The following MDN1 variants were observed in gnomAD, a reference collection of about 807,000 sequenced individuals.
The protein encoded by MDN1 is midasin AAA ATPase 1, also known as midasin.
Under a neutral mutation model 669.2 loss-of-function variants are expected in MDN1, and 266 were observed. The observed-to-expected ratio is 0.40, with a 90% CI of 0.36 to 0.44. MDN1 has a LOEUF of 0.44. Ranked by LOEUF, MDN1 falls within the 20% of genes least tolerant of loss-of-function variation. The probability of loss-of-function intolerance (pLI) is 1.00; values close to 1 mark genes in which losing one functional copy is unlikely to be tolerated. For synonymous variants in MDN1, 2,385 were observed against 2,457.1 expected (o/e 0.97, Z 0.87); for missense variants, 5,940 against 6,754.0 (o/e 0.88, Z 4.22).
chr6:89,762,930 C>T (rs1008067408), intron 15 of MDN1, among the ~76,000 whole-genome samples: 3 of 152,068 alleles, frequency 2.0e-5, no homozygotes. Context: ...GTAGCACACA[C>T]CTGCAGTCCC....
chr6:89,680,536 C>A (rs1217496471), intron 74 of MDN1, 53 bp downstream of exon 74: 11 of 1,587,906 alleles, frequency 6.9e-6, no homozygotes, highest in Non-Finnish European at 9.4e-6. Context: ...AGCCCTCCTG[C>A]GCCACTGGGG....
chr6:89,696,129 A>G (rs931778434), intron 60 of MDN1, 137 bp from the exon 61 acceptor site: 4 of 1,288,906 alleles, frequency 3.1e-6, no homozygotes, highest in Admixed American at 2.5e-5. Context: ...CTGTTCTCAC[A>G]TGGTCTTATT....
At chr6:89,753,340 G>A (rs554965608) in intron 22 of MDN1, among the ~76,000 whole-genome samples, 172 bp downstream of exon 22, 9 of 151,762 alleles carry the variant, frequency 5.9e-5, no homozygotes, top group Admixed American at 3.3e-4. Flanking sequence ...CAAAGAGCAC[G>A]CTTATTGGAA....
rs1423845648 is a variant in MDN1, at chr6:89,668,152, C to T, written c.13957-1G>A. 6.2e-7 allele frequency: 1 copy of T among 1,612,870 alleles called. No individual in the cohort carries two copies. Among genetic ancestry groups the T allele is most frequent in the African/African-American group, 1.3e-5 (1 of 74,780 alleles). On this transcript the variant is annotated splice_acceptor_variant, in intron 83 of 101. Coordinates refer to ENST00000369393, the MANE Select transcript of MDN1 (RefSeq NM_014611.3). LOFTEE classifies it high-confidence loss of function. ...TAAATTCTTTGGGCAAGCAAAATCCCTTAGAAAAAAGAAAAAGGAAGTGAA... is the reference window on the plus strand; with the variant it reads ...TAAATTCTTTGGGCAAGCAAAATCCTTTAGAAAAAAGAAAAAGGAAGTGAA...
chr6:89,816,230 T>C (rs1340768569), intron 1 of MDN1, among the ~76,000 whole-genome samples: 5 of 151,850 alleles, frequency 3.3e-5, no homozygotes, highest in Non-Finnish European at 7.4e-5. Flanking sequence ...TGAAACCCCG[T>C]CTCTACTAAA....
chr6:89,708,521 C>A lies in MDN1; in HGVS notation c.7873G>T (p.Ala2625Ser). 6.2e-7 allele frequency: 1 copy of A among 1,613,998 alleles called. No homozygotes were observed. The highest frequency in any genetic ancestry group is 8.5e-7 in the Non-Finnish European group (1 of 1,179,946). ...TTGTTTGCAGCTGATTCTAAAAGGG[C>A]AAAGAGCTGGTCAGGCTGGTCCGTT... ...PQTDQPDQLF[A>S]LLESAANKTI... Residue 2625 changes from alanine (A) to serine (S), a missense_variant, in exon 51 of 102, where the codon GCC (alanine) becomes TCC (serine). Coordinates refer to ENST00000369393, the MANE Select transcript of MDN1 (RefSeq NM_014611.3).
chr6:89,712,355 G>A, intron 48 of MDN1, 99 bp from the exon 49 acceptor site: 1 of 1,205,854 alleles, frequency 8.3e-7, no homozygotes, highest in Non-Finnish European at 1.2e-6. Flanking sequence ...TTGGATCAAA[G>A]GTAAGAGAGA....
intron 53 of MDN1, among the ~76,000 whole-genome samples, chr6:89,703,405 T>C (rs544167389): frequency 1.3e-5 from 2 of 151,968 alleles, no homozygotes; most frequent in South Asian, 2.1e-4. Flanking sequence ...TCTGTTTTAT[T>C]GGTTTAAATG....
intron 11 of MDN1, among the ~76,000 whole-genome samples, chr6:89,776,935 AAAC>A (rs1305348502): frequency 2.0e-5 from 3 of 152,154 alleles, no homozygotes; most frequent in Non-Finnish European, 4.4e-5. Flanking sequence ...TAAAAAAAAC[AAAC>A]AACAAAACAC....
At position 89,674,337 on chromosome 6, in the gene MDN1, T is replaced by A; in HGVS notation, c.13014A>T (p.Glu4338Asp). 6.2e-7 allele frequency: 1 copy of A among 1,614,242 alleles called. No individual in the cohort carries two copies. The highest frequency in any genetic ancestry group is 2.2e-5 in the East Asian group (1 of 44,886). Residue 4338 changes from glutamate to aspartate, a missense_variant, in exon 79 of 102, where the codon GAA becomes GAT. Coordinates refer to ENST00000369393, the MANE Select transcript of MDN1 (RefSeq NM_014611.3). Reference protein sequence around the residue: ...QPPGPCLEGPELSKGQLCGVV... With the variant: ...QPPGPCLEGPDLSKGQLCGVV... ...CTCCACAAAGTTGTCCCTTGCTAAG[T>A]TCTGGTCCTTCCAGGCAGGGGCCAG...
intron 1 of MDN1, chr6:89,815,396 C>T (rs1381161256): frequency 2.5e-6 from 1 of 404,938 alleles, no homozygotes; most frequent in Non-Finnish European, 4.8e-6. Flanking sequence ...GAGGAAGTGC[C>T]CTGCAGGAAA....
intron 84 of MDN1, among the ~76,000 whole-genome samples, chr6:89,666,750 G>A (rs1810273916): frequency 6.6e-6 from 1 of 152,252 alleles, no homozygotes; most frequent in Admixed American, 6.5e-5. Context: ...CATGGCTGCA[G>A]TGAGCTATGA....
chr6:89,731,715 A>G (rs144777970), intron 34 of MDN1, among the ~76,000 whole-genome samples: 1 of 152,190 alleles, frequency 6.6e-6, no homozygotes, highest in African/African-American at 2.4e-5. Flanking sequence ...ACCATGGCAC[A>G]TGTATACTTA....
rs748897469 is a variant in MDN1, at chr6:89,743,178, C to T, written c.4420G>A (p.Asp1474Asn). The change falls in exon 31 of 102, where the codon GAT becomes AAT. Residue 1474 changes from aspartate to asparagine, a missense_variant. This residue lies in a region of MDN1 where 2,292 missense variants were observed against 2,638.3 expected (regional missense o/e 0.87). Transcript: ENST00000369393. ...TTGAGTCTTTCCAAGACAGAGTCAT[C>T]GGCCAATGAGATCTCATCCAAGAGG... Reference protein sequence around the residue: ...FFLLDEISLADDSVLERLNSV... With the variant: ...FFLLDEISLANDSVLERLNSV... 2.2e-5 allele frequency: 36 copies of T among 1,613,982 alleles called. No homozygotes were observed. The highest frequency in any genetic ancestry group is 2.7e-5 in the Non-Finnish European group (32 of 1,180,012).
chr6:89,762,798 T>C (rs1303180681), intron 15 of MDN1, among the ~76,000 whole-genome samples: 1 of 152,212 alleles, frequency 6.6e-6, no homozygotes, highest in Non-Finnish European at 1.5e-5. Flanking sequence ...CTCACATCTA[T>C]AACCCCAGCA....
At chr6:89,796,804 C>T (rs1310832752) in intron 2 of MDN1, among the ~76,000 whole-genome samples, 1 of 152,108 alleles carries the variant, frequency 6.6e-6, no homozygotes, top group Non-Finnish European at 1.5e-5. Flanking sequence ...CGCAGTGGCT[C>T]ACACCTGTAA....
At chr6:89,757,429 G>A (rs1214204699) in intron 19 of MDN1, among the ~76,000 whole-genome samples, 1 of 152,208 alleles carries the variant, frequency 6.6e-6, no homozygotes, top group African/African-American at 2.4e-5. Flanking sequence ...AGGAAGGAAA[G>A]ATTTTTATTT....
At chr6:89,728,822 A>G in intron 36 of MDN1, 109 bp downstream of exon 36, 2 of 1,202,386 alleles carry the variant, frequency 1.7e-6, no homozygotes, top group Non-Finnish European at 2.3e-6. Flanking sequence ...AAGAAAAGAA[A>G]AATTTGAGGA....
Position 89,749,527 on chromosome 6 carries a change from G to A in MDN1, c.3615+16C>T, listed in dbSNP as rs775885764. 8 of 1,612,776 alleles carry A rather than the reference G, an allele frequency of 5.0e-6. No homozygotes were observed. Among genetic ancestry groups the A allele is most frequent in the Non-Finnish European group, 6.8e-6 (8 of 1,178,836 alleles). On this transcript the variant is annotated intron_variant, in intron 25 of 101. Transcript: ENST00000369393. ...ATGTGTTAACAAATTGAAGGAAGGA[G>A]ACAAATGCTACATACCTTTCTGCCT...
Sources: gnomAD v4.1 joint callset for allele counts (sites outside exome capture counted in the v4.1 genomes callset) on GRCh38, gnomAD v4.1.1 for gene constraint, gnomAD v4.1.1 regional missense constraint, MANE v1.5 for transcripts, NCBI Gene and HGNC (gene_info 2026-07-23, HGNC 2026-07-21) for gene names.